Variants in YAP1 observed in about 807,000 individuals in gnomAD.
The protein encoded by YAP1 is transcriptional coactivator YAP1.
In YAP1, 5 loss-of-function variants were observed where a neutral mutation model predicts 56.9. That is an observed-to-expected ratio of 0.09 (90% CI 0.05 to 0.18). The LOEUF (loss-of-function observed/expected upper bound fraction) is 0.18. Among genes scored for constraint, YAP1 ranks in the 10% least tolerant of loss-of-function variants. YAP1 has a pLI of 1.00. For synonymous variants in YAP1, 265 were observed against 248.1 expected, an observed-to-expected ratio of 1.07 and a Z score of -0.64; for missense variants, 539 against 651.8, an observed-to-expected ratio of 0.83 and a Z score of 1.88.
chr11:102,198,455 T>C (rs544162047), intron 4 of YAP1, among the ~76,000 whole-genome samples: 156 of 152,342 alleles, frequency 1.0e-3, no homozygotes, highest in African/African-American at 3.5e-3. Context: ...AACTTAATGT[T>C]ATGTTACATA....
At chr11:102,203,036 A>G (rs1345658510) in intron 4 of YAP1, among the ~76,000 whole-genome samples, 2 of 152,228 alleles carry the variant, frequency 1.3e-5, no homozygotes, top group African/African-American at 4.8e-5. Context: ...TTGACAAATA[A>G]ATGACAAAGA....
At position 102,121,051 on chromosome 11, in the gene YAP1, G is replaced by A. The variant is rs572740306; in HGVS notation, c.572+6657G>A. Among the ~76,000 whole-genome samples, 16 of 152,118 alleles carry A rather than the reference G, an allele frequency of 1.1e-4. No homozygotes were observed. The East Asian group carries it at 2.1e-3, about 20-fold the overall frequency. On this transcript the variant is annotated intron_variant, in intron 2 of 8. Transcript: ENST00000282441. ...CCCTCACTCTTATTCCTTCATGTGC[G>A]GTAGTCCCTCCCCACCATCCATGAG...
intron 2 of YAP1, among the ~76,000 whole-genome samples, chr11:102,146,213 G>A (rs1945314138): frequency 6.6e-6 from 1 of 152,040 alleles, no homozygotes; most frequent in African/African-American, 2.4e-5. Context: ...AATAGAGACA[G>A]GGTCTCACTA....
intron 2 of YAP1, among the ~76,000 whole-genome samples, chr11:102,142,927 G>A (rs1310861264): frequency 1.3e-5 from 2 of 152,124 alleles, no homozygotes; most frequent in Admixed American, 6.5e-5. Flanking sequence ...TGAAGTGAGA[G>A]CAACTGTATC....
intron 4 of YAP1, among the ~76,000 whole-genome samples, chr11:102,190,282 C>T (rs1223976855): frequency 1.3e-5 from 2 of 152,006 alleles, no homozygotes; most frequent in Non-Finnish European, 2.9e-5. Flanking sequence ...AATTACTTAG[C>T]GTACAGAGGA....
At chr11:102,115,817 G>C (rs73577837) in intron 2 of YAP1, among the ~76,000 whole-genome samples, 1,699 of 152,274 alleles carry the variant, frequency 0.011, 38 homozygotes, top group African/African-American at 0.039. Flanking sequence ...GAAGGGAGTG[G>C]AAACAAACCA....
intron 4 of YAP1, among the ~76,000 whole-genome samples, chr11:102,187,211 A>G (rs574148799): frequency 6.6e-6 from 1 of 152,312 alleles, no homozygotes; most frequent in Non-Finnish European, 1.5e-5. Flanking sequence ...TGTGTCTTAT[A>G]TATACCTTTA....
At chr11:102,134,394 C>T (rs1027454486) in intron 2 of YAP1, among the ~76,000 whole-genome samples, 1 of 150,904 alleles carries the variant, frequency 6.6e-6, no homozygotes, top group Non-Finnish European at 1.5e-5. Context: ...TTTTACATCT[C>T]AGTATTGTTC....
intron 4 of YAP1, among the ~76,000 whole-genome samples, chr11:102,189,402 A>G (rs1258572711): frequency 2.0e-5 from 3 of 152,204 alleles, no homozygotes; most frequent in Non-Finnish European, 2.9e-5. Flanking sequence ...TATTTTCGCT[A>G]TTGTTTATAT....
chr11:102,171,926 A>G (rs142301668), intron 3 of YAP1, among the ~76,000 whole-genome samples: 1 of 152,118 alleles, frequency 6.6e-6, no homozygotes, highest in South Asian at 2.1e-4. Flanking sequence ...GTGGTGGCTC[A>G]CACTTGTAAT....
chr11:102,181,778 C>T (rs1471942638), intron 3 of YAP1, among the ~76,000 whole-genome samples: 1 of 152,136 alleles, frequency 6.6e-6, no homozygotes, highest in Non-Finnish European at 1.5e-5. Context: ...TTGAGAAATA[C>T]TTCTGTACTA....
At chr11:102,150,008 A>G (rs1166671073) in intron 2 of YAP1, among the ~76,000 whole-genome samples, 1 of 103,896 alleles carries the variant, frequency 9.6e-6, no homozygotes, top group South Asian at 3.0e-4. Context: ...TTTTTTTGAG[A>G]CAGTCTTGCT....
At chr11:102,140,818 G>A (rs1319397612) in intron 2 of YAP1, among the ~76,000 whole-genome samples, 1 of 151,930 alleles carries the variant, frequency 6.6e-6, no homozygotes, top group African/African-American at 2.4e-5. Context: ...ACTCCAGCGT[G>A]GGCAATAGAG....
intron 2 of YAP1, among the ~76,000 whole-genome samples, chr11:102,158,533 C>T (rs1946084960): frequency 6.6e-6 from 1 of 152,190 alleles, no homozygotes; most frequent in Non-Finnish European, 1.5e-5. Context: ...TTTTAACTAG[C>T]TCCTGGGTGT....
intron 6 of YAP1, among the ~76,000 whole-genome samples, chr11:102,218,226 A>G (rs769570721): frequency 6.6e-6 from 1 of 152,196 alleles, no homozygotes; most frequent in Non-Finnish European, 1.5e-5. Context: ...TATTTGTATC[A>G]TTGGCCTTGT....
intron 2 of YAP1, among the ~76,000 whole-genome samples, chr11:102,123,921 C>T (rs369036905): frequency 6.6e-6 from 1 of 151,524 alleles, no homozygotes; most frequent in African/African-American, 2.4e-5. Flanking sequence ...GCCACCATGC[C>T]CGGCCACTCC....
At chr11:102,119,143 G>A (rs77133519) in intron 2 of YAP1, among the ~76,000 whole-genome samples, 2 of 151,784 alleles carry the variant, frequency 1.3e-5, no homozygotes, top group Admixed American at 6.6e-5. Flanking sequence ...TCTGGGGGGT[G>A]GGGGAGAGCT....
chr11:102,206,476 A>G (rs1949127000), intron 5 of YAP1, among the ~76,000 whole-genome samples: 1 of 152,248 alleles, frequency 6.6e-6, no homozygotes, highest in Non-Finnish European at 1.5e-5. Flanking sequence ...GGCGGGATAC[A>G]CCAATATGAC....
intron 2 of YAP1, among the ~76,000 whole-genome samples, chr11:102,156,613 C>G (rs1358756330): frequency 2.0e-5 from 3 of 152,198 alleles, no homozygotes; most frequent in Non-Finnish European, 4.4e-5. Context: ...TCAGTTCATA[C>G]TCTAATGACA....
Sources: allele counts gnomAD v4.1 joint callset (sites outside exome capture counted in the v4.1 genomes callset), GRCh38; gene constraint gnomAD v4.1.1; transcripts MANE v1.5; gene names NCBI Gene and HGNC (gene_info 2026-07-23, HGNC 2026-07-21).